ETV6: variants seen among roughly 807,000 people sequenced by gnomAD.
ETV6 encodes transcription factor ETV6.
A neutral mutation model predicts 51.1 loss-of-function variants in ETV6; 16 were observed. The observed-to-expected ratio is 0.31, with a 90% CI of 0.21 to 0.48. ETV6 has a LOEUF of 0.48. Ranked by LOEUF, ETV6 falls within the 20% of genes least tolerant of loss-of-function variation. The probability of loss-of-function intolerance (pLI) is 0.99; values close to 1 mark genes in which losing one functional copy is unlikely to be tolerated. For synonymous variants in ETV6, 240 were observed against 224.1 expected, an observed-to-expected ratio of 1.07 and a Z score of -0.64; for missense variants, 458 against 594.8, an observed-to-expected ratio of 0.77 and a Z score of 2.39.
chr12:11,881,003 T>C (rs1947082565), intron 5 of ETV6, among the ~76,000 whole-genome samples: 1 of 152,148 alleles, frequency 6.6e-6, no homozygotes. Context: ...AGTGGGTTGA[T>C]CATGGCTCAC....
At chr12:11,735,660 G>T (rs533613419) in intron 1 of ETV6, among the ~76,000 whole-genome samples, 11 of 152,164 alleles carry the variant, frequency 7.2e-5, no homozygotes, top group Non-Finnish European at 1.2e-4. Flanking sequence ...GAGTGCAATG[G>T]CACAATCTCG....
chr12:11,695,018 T>C (rs1864847929), intron 1 of ETV6, among the ~76,000 whole-genome samples: 1 of 152,350 alleles, frequency 6.6e-6, no homozygotes, highest in Non-Finnish European at 1.5e-5. Context: ...GTATACTGAA[T>C]TTTGCTGTGA....
chr12:11,860,586 G>T (rs1272079108), intron 4 of ETV6, among the ~76,000 whole-genome samples: 2 of 151,408 alleles, frequency 1.3e-5, no homozygotes, highest in Admixed American at 6.6e-5. Context: ...CAAAACAAAA[G>T]AAGAAAGAAA....
At chr12:11,667,121 C>T (rs959492882) in intron 1 of ETV6, among the ~76,000 whole-genome samples, 3 of 152,208 alleles carry the variant, frequency 2.0e-5, no homozygotes, top group East Asian at 1.9e-4. Context: ...AAACACTCAG[C>T]GTACACACCT....
chr12:11,891,390 A>AG lies in ETV6; in HGVS notation c.*345dup, dbSNP rs1452636243. 2.9e-6 allele frequency: 1 copy of AG among 342,788 alleles called. No individual in the cohort carries two copies. Among genetic ancestry groups the AG allele is most frequent in the East Asian group, 4.9e-5 (1 of 20,202 alleles). The allele number at this position is 342,788 out of a possible 1,614,324, so 21.2% of individuals were successfully genotyped here. A position where few individuals can be genotyped will look rare whatever the true frequency, so the allele number is the denominator to read the frequency against. On this transcript the variant is annotated 3_prime_UTR_variant, in exon 8 of 8. Transcript: ENST00000396373. The stretch of plus-strand genomic sequence containing the variant: ...TTTTGTTTTTGTTTTAAGAACCTGC[A>AG]GTTTGACTCTTCATCGTTCATCTAG...
chr12:11,856,611 CAA>C (rs1225209704), intron 4 of ETV6, among the ~76,000 whole-genome samples: 2 of 152,230 alleles, frequency 1.3e-5, no homozygotes, highest in Non-Finnish European at 2.9e-5. Context: ...CCCTTGATGA[CAA>C]AGAGAACAAG....
chr12:11,655,825 T>A (rs142052405), intron 1 of ETV6, among the ~76,000 whole-genome samples: 123 of 152,346 alleles, frequency 8.1e-4, no homozygotes, highest in African/African-American at 2.8e-3. Flanking sequence ...AAGTGTGGAC[T>A]CTCAGATGAG....
chr12:11,853,289 C>G, intron 3 of ETV6, 138 bp from the exon 4 acceptor site: 1 of 876,436 alleles, frequency 1.1e-6, no homozygotes. Context: ...GCCCCATGAG[C>G]TTGGTGAGGG....
chr12:11,872,603 C>T (rs529024688), intron 5 of ETV6, among the ~76,000 whole-genome samples: 3 of 151,214 alleles, frequency 2.0e-5, no homozygotes, highest in Non-Finnish European at 2.9e-5. Context: ...AAGTGATTCT[C>T]GTGCCTCAGC....
At chr12:11,794,468 A>T (rs1408663589) in intron 2 of ETV6, among the ~76,000 whole-genome samples, 1 of 152,148 alleles carries the variant, frequency 6.6e-6, no homozygotes, top group Non-Finnish European at 1.5e-5. Flanking sequence ...CAGAGATCTT[A>T]TTCTAACTAG....
chr12:11,822,152 G>T (rs571280571), intron 2 of ETV6, among the ~76,000 whole-genome samples: 9 of 152,132 alleles, frequency 5.9e-5, no homozygotes, highest in Non-Finnish European at 1.0e-4. Context: ...CATGCCCTGC[G>T]CCTGATCCGG....
chr12:11,663,256 C>T (rs1338545570), intron 1 of ETV6, among the ~76,000 whole-genome samples: 1 of 152,192 alleles, frequency 6.6e-6, no homozygotes, highest in African/African-American at 2.4e-5. Context: ...ACCAAAGGCT[C>T]AAGCTTAAGC....
Position 11,669,984 on chromosome 12 carries a change from T to C in ETV6, c.33+19824T>C, listed in dbSNP as rs1864282500. Among the ~76,000 whole-genome samples the C allele has an allele frequency of 4.0e-5, 6 of 150,832 alleles. No homozygotes were observed. In the South Asian group the frequency reaches 1.2e-3, roughly 31 times the overall value. On this transcript the variant is annotated intron_variant, in intron 1 of 7. Transcript: ENST00000396373. ...CATCTTCTTGCCCTTCTCTCTGCTT[T>C]TCGATGATTCTACCCCAATCACATT...
chr12:11,842,609 G>A (rs1008914262), intron 3 of ETV6, among the ~76,000 whole-genome samples: 12 of 152,160 alleles, frequency 7.9e-5, no homozygotes, highest in Non-Finnish European at 1.5e-4. Flanking sequence ...ATGATGACCC[G>A]GTTTGAGAGT....
At chr12:11,830,044 GA>G (rs767995783) in intron 2 of ETV6, among the ~76,000 whole-genome samples, 30 of 152,156 alleles carry the variant, frequency 2.0e-4, no homozygotes, top group Non-Finnish European at 2.8e-4. Flanking sequence ...GAAGGGAAAG[GA>G]GGCAGAAAAG....
intron 2 of ETV6, among the ~76,000 whole-genome samples, chr12:11,755,863 G>T (rs1435822822): frequency 6.6e-6 from 1 of 152,118 alleles, no homozygotes; most frequent in Non-Finnish European, 1.5e-5. Context: ...CTCAAAGTGG[G>T]TTCTTTTCAC....
intron 2 of ETV6, among the ~76,000 whole-genome samples, chr12:11,777,454 G>T (rs993897799): frequency 1.6e-4 from 23 of 147,160 alleles, no homozygotes; most frequent in African/African-American, 5.2e-4. Context: ...GAGTTTTTTT[G>T]TTTTTTTTTT....
At chr12:11,702,224 T>G (rs1189739859) in intron 1 of ETV6, among the ~76,000 whole-genome samples, 1 of 152,132 alleles carries the variant, frequency 6.6e-6, no homozygotes, top group Non-Finnish European at 1.5e-5. Context: ...GAGAAGAATT[T>G]GCTCATGGTC....
chr12:11,738,307 C>CTTTTT (rs59241338), intron 1 of ETV6, among the ~76,000 whole-genome samples: 1 of 114,010 alleles, frequency 8.8e-6, no homozygotes, highest in Middle Eastern at 4.3e-3. Flanking sequence ...TTTGTTTTTG[C>CTTTTT]TTTTTTTTTT....
Sources: allele counts gnomAD v4.1 joint callset (sites outside exome capture counted in the v4.1 genomes callset), GRCh38; gene constraint gnomAD v4.1.1; transcripts MANE v1.5; gene names NCBI Gene and HGNC (gene_info 2026-07-23, HGNC 2026-07-21).